Variants in PARN observed in about 807,000 individuals in gnomAD.
PARN encodes the protein poly(A)-specific ribonuclease.
A neutral mutation model predicts 102.8 loss-of-function variants in PARN; 71 were observed. The observed-to-expected ratio is 0.69, with a 90% CI of 0.57 to 0.84. The LOEUF (loss-of-function observed/expected upper bound fraction) is 0.84. Ranked by LOEUF, PARN falls within the 40% of genes least tolerant of loss-of-function variation. The pLI is 0.00. For synonymous variants in PARN, 261 were observed against 252.9 expected (o/e 1.03, Z -0.30); for missense variants, 782 against 760.9 (o/e 1.03, Z -0.33).
chr16:14,588,155 C>T lies in PARN; in HGVS notation c.919-1794G>A, dbSNP rs1027197903. Among the ~76,000 whole-genome samples the T allele has an allele frequency of 2.0e-5, 3 of 152,046 alleles. No homozygotes were observed. The highest frequency in any genetic ancestry group is 4.8e-5 in the African/African-American group (2 of 41,378). ...CATGGAGAAGGCAAAAGCTGCACCG[C>T]GGAAAGTTAAGGGAAAGCTGTGAAC... On this transcript the variant is annotated intron_variant, in intron 13 of 23. Transcript: ENST00000437198.
chr16:14,552,612 A>T (rs1967378800), intron 20 of PARN, among the ~76,000 whole-genome samples: 1 of 152,096 alleles, frequency 6.6e-6, no homozygotes, highest in African/African-American at 2.4e-5. Flanking sequence ...AGTAGCTGGG[A>T]CTACAGGCAC....
At chr16:14,496,137 G>A (rs941237978) in intron 21 of PARN, among the ~76,000 whole-genome samples, 24 of 152,242 alleles carry the variant, frequency 1.6e-4, no homozygotes, top group African/African-American at 5.3e-4. Context: ...GGGGCCGAGA[G>A]AGGTTGAGTG....
At chr16:14,622,432 C>A (rs1011932984) in intron 5 of PARN, among the ~76,000 whole-genome samples, 1 of 152,204 alleles carries the variant, frequency 6.6e-6, no homozygotes, top group Non-Finnish European at 1.5e-5. Flanking sequence ...ACAAATTATA[C>A]GTATCCATAC....
chr16:14,565,183 C>T (rs1968355628), intron 18 of PARN: 2 of 152,138 alleles, frequency 1.3e-5, no homozygotes, highest in South Asian at 2.1e-4. Flanking sequence ...AGACATCTCT[C>T]ACAAAATAAG....
chr16:14,605,054 CT>C (rs1480541651), intron 10 of PARN, among the ~76,000 whole-genome samples: 2 of 152,184 alleles, frequency 1.3e-5, no homozygotes, highest in East Asian at 3.9e-4. Flanking sequence ...ATCCTCTCAC[CT>C]CAGCCTCCTG....
At chr16:14,572,344 C>CT (rs905133397) in intron 18 of PARN, among the ~76,000 whole-genome samples, 1,601 of 146,196 alleles carry the variant, frequency 0.011, 28 homozygotes, top group African/African-American at 0.037. Context: ...GAAATCTTTT[C>CT]TTTTTTTTTT....
intron 13 of PARN, among the ~76,000 whole-genome samples, chr16:14,587,790 C>G (rs922260164): frequency 2.6e-5 from 4 of 152,222 alleles, no homozygotes. Context: ...AAGGATAAAA[C>G]TGCTTATCCT....
At chr16:14,467,017 C>A (rs2151579493) in intron 22 of PARN, among the ~76,000 whole-genome samples, 1 of 152,310 alleles carries the variant, frequency 6.6e-6, no homozygotes, top group South Asian at 2.1e-4. Context: ...ACTCCTCTCT[C>A]CTCTCCGCTT....
At chr16:14,582,110 C>A in intron 17 of PARN, 71 bp downstream of exon 17, 1 of 911,858 alleles carries the variant, frequency 1.1e-6, no homozygotes, top group Admixed American at 1.7e-5. Flanking sequence ...ATTACAGCAG[C>A]CTAAGCCAGG....
chr16:14,454,316 A>G (rs1596444978), intron 22 of PARN, among the ~76,000 whole-genome samples: 2 of 152,218 alleles, frequency 1.3e-5, no homozygotes, highest in Non-Finnish European at 2.9e-5. Context: ...CCCCACCTCT[A>G]AAAGAAAAAA....
chr16:14,566,368 G>C (rs1435588910), intron 18 of PARN, among the ~76,000 whole-genome samples: 1 of 152,168 alleles, frequency 6.6e-6, no homozygotes, highest in South Asian at 2.1e-4. Flanking sequence ...AGAGACTGGA[G>C]TGATGTGGCC....
At chr16:14,598,003 G>A (rs1047994449) in intron 12 of PARN, among the ~76,000 whole-genome samples, 1 of 152,122 alleles carries the variant, frequency 6.6e-6, no homozygotes, top group African/African-American at 2.4e-5. Flanking sequence ...AATTAGCCAG[G>A]CGTGGTAGCA....
intron 21 of PARN, among the ~76,000 whole-genome samples, chr16:14,520,693 C>T (rs1965692470): frequency 6.8e-6 from 1 of 147,200 alleles, no homozygotes; most frequent in Non-Finnish European, 1.5e-5. Context: ...GAGTGAAACC[C>T]TGTCTCAAAA....
chr16:14,616,589 C>T (rs2151806508), intron 6 of PARN, among the ~76,000 whole-genome samples: 1 of 152,134 alleles, frequency 6.6e-6, no homozygotes, highest in East Asian at 1.9e-4. Flanking sequence ...ACAAAAAATT[C>T]GAAAATCAGC....
At chr16:14,580,551 T>A (rs958055697) in intron 18 of PARN, among the ~76,000 whole-genome samples, 3 of 152,070 alleles carry the variant, frequency 2.0e-5, no homozygotes, top group Non-Finnish European at 2.9e-5. Context: ...CCTCCCAAAG[T>A]GCTGGGATTA....
At chr16:14,491,372 T>C (rs917546054) in intron 21 of PARN, among the ~76,000 whole-genome samples, 1 of 151,944 alleles carries the variant, frequency 6.6e-6, no homozygotes, top group Non-Finnish European at 1.5e-5. Flanking sequence ...CAGGACCAGG[T>C]GCTCTCTGAG....
At chr16:14,492,866 GTGAGTTACC>G (rs1020077636) in intron 21 of PARN, among the ~76,000 whole-genome samples, 3 of 152,168 alleles carry the variant, frequency 2.0e-5, no homozygotes, top group Admixed American at 2.0e-4. Context: ...GTTGTGTGGG[GTGAGTTACC>G]TGCCTCCCTG....
chr16:14,538,846 G>A (rs146422839), intron 21 of PARN, among the ~76,000 whole-genome samples: 3 of 152,146 alleles, frequency 2.0e-5, no homozygotes, highest in Non-Finnish European at 2.9e-5. Context: ...TAAGCTCCAC[G>A]TCCTGTCAGA....
intron 11 of PARN, among the ~76,000 whole-genome samples, chr16:14,603,423 T>G (rs1481518604): frequency 1.9e-4 from 29 of 151,912 alleles, no homozygotes; most frequent in Admixed American, 1.7e-3. Flanking sequence ...GCAAACCCAC[T>G]CCTCTCTCCT....
Sources: allele counts gnomAD v4.1 joint callset (sites outside exome capture counted in the v4.1 genomes callset), GRCh38; gene constraint gnomAD v4.1.1; transcripts MANE v1.5; gene names NCBI Gene and HGNC (gene_info 2026-07-23, HGNC 2026-07-21).